ZC3H4: variants seen among roughly 807,000 people sequenced by gnomAD.
The protein encoded by ZC3H4 is zinc finger CCCH-type containing 4.
A neutral mutation model predicts 108.3 loss-of-function variants in ZC3H4; 13 were observed. That is an observed-to-expected ratio of 0.12 (90% CI 0.08 to 0.19). The LOEUF (loss-of-function observed/expected upper bound fraction) is 0.19. Ranked by LOEUF, ZC3H4 falls within the 10% of genes least tolerant of loss-of-function variation. The pLI is 1.00. For missense variants in ZC3H4, 1,734 were observed against 1,838.8 expected, an observed-to-expected ratio of 0.94 and a Z score of 1.04; for synonymous variants, 917 against 749.6, an observed-to-expected ratio of 1.22 and a Z score of -3.65.
At chr19:47,109,164 G>C (rs972230910) in intron 2 of ZC3H4, among the ~76,000 whole-genome samples, 2 of 151,994 alleles carry the variant, frequency 1.3e-5, no homozygotes, top group Non-Finnish European at 2.9e-5. Flanking sequence ...GGGGAAAAAA[G>C]GCAGTACTGT....
At position 47,067,655 on chromosome 19, in the gene ZC3H4, G is replaced by A. The variant is rs771476345; in HGVS notation, c.2613C>T (p.Thr871=). 1.2e-6 allele frequency: 2 copies of A among 1,603,006 alleles called. No individual in the cohort carries two copies. Among genetic ancestry groups the A allele is most frequent in the South Asian group, 1.1e-5 (1 of 90,294 alleles). Residue 871 remains threonine, a synonymous_variant, in exon 15 of 15, where the codon ACC becomes ACT. Transcript: ENST00000253048. The surrounding 1 kb of genome is among the most constrained non-coding windows in gnomAD (Gnocchi z 6.4). ...ACCCGCCAGAAGCCTCCACATGGCG[G>A]GTGAGTCTGGGGTCCCGGCTGAGGC... ...DPRLSRDPRL[T]RHVEASGGSG...
In ZC3H4 at chr19:47,085,346, G is replaced by A; in HGVS notation, c.939C>T (p.Tyr313=). ...GGCCTCGGCTGTCCTTGGAGCGGCG[G>A]TACTGGTTCAGCTCCTTGGAGTACT... The part of the protein sequence containing the change: ...YDEYSKELNQ[Y]RRSKDSRGRG... The change falls in exon 7 of 15, where the codon TAC becomes TAT. Residue 313 remains tyrosine (Y), a synonymous_variant. Coordinates refer to ENST00000253048, the MANE Select transcript of ZC3H4 (RefSeq NM_015168.2). 2 of 1,603,006 alleles carry A rather than the reference G, an allele frequency of 1.2e-6. No homozygotes were observed. The highest frequency in any genetic ancestry group is 1.7e-6 in the Non-Finnish European group (2 of 1,174,204).
chr19:47,097,304 A>G (rs548171001), intron 2 of ZC3H4, among the ~76,000 whole-genome samples: 3 of 152,330 alleles, frequency 2.0e-5, no homozygotes, highest in East Asian at 3.9e-4. Context: ...AGAGAAATAC[A>G]TAGGATTTTT....
rs1231763668 is a variant in ZC3H4, at chr19:47,067,250, G to A, written c.3018C>T (p.Pro1006=). The part of the protein sequence containing the change: ...PPVPAALQSM[P]TLDPRLHRAA... ...CGCGGTGCAGCCGGGGGTCCAGGGT[G>A]GGCATGGATTGCAGGGCCGCGGGCA... Residue 1006 remains proline, a synonymous_variant, in exon 15 of 15, where the codon CCC becomes CCT. Coordinates refer to ENST00000253048, the MANE Select transcript of ZC3H4 (RefSeq NM_015168.2). This position sits in a 1 kb window ranked among gnomAD's most constrained non-coding sequence, Gnocchi z 6.4. 1 of 1,599,596 alleles carries A rather than the reference G, an allele frequency of 6.3e-7. No homozygotes were observed. The highest frequency in any genetic ancestry group is 1.1e-5 in the South Asian group (1 of 89,650).
At position 47,068,902 on chromosome 19, in the gene ZC3H4, G is replaced by C. The variant is rs558594346; in HGVS notation, c.2398+190C>G. 1.1e-4 allele frequency among the ~76,000 whole-genome samples: 17 copies of C among 152,262 alleles called. No individual in the cohort carries two copies. The South Asian group carries it at 2.9e-3, about 26-fold the overall frequency. Reference sequence around the variant, plus strand: ...GTCTCTCCTGAACCCAACACAGAAAGCCACCCCTGACTGCCAGTTTTCTCA... The same window carrying C: ...GTCTCTCCTGAACCCAACACAGAAACCCACCCCTGACTGCCAGTTTTCTCA... On this transcript the variant is annotated intron_variant, in intron 14 of 14. Coordinates refer to ENST00000253048, the MANE Select transcript of ZC3H4 (RefSeq NM_015168.2).
chr19:47,077,307 A>G (rs1385014519), intron 11 of ZC3H4, among the ~76,000 whole-genome samples: 6 of 151,600 alleles, frequency 4.0e-5, no homozygotes, highest in Non-Finnish European at 5.9e-5. Flanking sequence ...TGTCTCTACT[A>G]AAAATACAAA....
In ZC3H4 at chr19:47,085,090, T is replaced by C; in HGVS notation, c.1073A>G (p.Asn358Ser). ...SRGGMNKGGM[N>S]DDEDFYDEDM... ...CTCGTCATAGAAGTCTTCGTCATCGTTCATTCCGCCCTTGTTCATCCCTCC... is the reference window on the plus strand; with the variant it reads ...CTCGTCATAGAAGTCTTCGTCATCGCTCATTCCGCCCTTGTTCATCCCTCC... The change falls in exon 8 of 15, where the codon AAC becomes AGC. Residue 358 changes from asparagine to serine, a missense_variant. Physicochemically the swap from Asn to Ser is conservative, Grantham distance 46. This residue lies in a region of ZC3H4 where 403 missense variants were observed against 457.0 expected (regional missense o/e 0.88). Transcript: ENST00000253048. 2 of 1,614,230 alleles carry C rather than the reference T, an allele frequency of 1.2e-6. No individual in the cohort carries two copies. Among genetic ancestry groups the C allele is most frequent in the Non-Finnish European group, 1.7e-6 (2 of 1,180,026 alleles).
rs773265320 is a variant in ZC3H4 at position 47,090,206 on chromosome 19, G to A, written c.493-17C>T. On this transcript the variant is annotated splice_polypyrimidine_tract_variant and intron_variant, in intron 4 of 14. Coordinates refer to ENST00000253048, the MANE Select transcript of ZC3H4 (RefSeq NM_015168.2). ...CTGGTGGGACTGCGTCCCAGAGATG[G>A]GGAAAAGAGGTGAGCCGGATCCCAC... 3.7e-6 allele frequency: 6 copies of A among 1,613,920 alleles called. No homozygotes were observed. In the Admixed American group the frequency reaches 1.0e-4, roughly 27 times the overall value.
At chr19:47,069,390 G>T (rs992898655) in intron 13 of ZC3H4, 47 bp from the exon 14 acceptor site, 3 of 1,586,286 alleles carry the variant, frequency 1.9e-6, no homozygotes, top group Admixed American at 1.8e-5. Flanking sequence ...GGGCCTCCAG[G>T]TGCCAACTCC....
intron 2 of ZC3H4, among the ~76,000 whole-genome samples, chr19:47,095,447 G>C (rs2057805850): frequency 6.6e-6 from 1 of 152,012 alleles, no homozygotes; most frequent in Non-Finnish European, 1.5e-5. Flanking sequence ...CCCTCCTGAG[G>C]GCCTCACATG....
rs528765468 is a variant in ZC3H4 at position 47,112,395 on chromosome 19, C to T, written c.161+29G>A. The T allele has an allele frequency of 1.3e-5, 16 of 1,232,620 alleles. 1 individual carries two copies. The South Asian group carries it at 6.1e-4, about 47-fold the overall frequency. 76.4% of individuals were successfully genotyped at this position (1,232,620 alleles called of 1,614,324 possible). ...CTCCTCCTCTTCCTCCCCCCGGGGA[C>T]GCAGCCCCGGCCCAACCGGGGGCCT... is the stretch of plus-strand genomic sequence containing the variant. On this transcript the variant is annotated intron_variant, in intron 2 of 14. Transcript: ENST00000253048.
chr19:47,071,213 G>A (rs1425899184), intron 13 of ZC3H4, among the ~76,000 whole-genome samples: 2 of 152,202 alleles, frequency 1.3e-5, no homozygotes, highest in Admixed American at 1.3e-4. Context: ...AGATGCAACT[G>A]AGCGAGGACA....
chr19:47,109,620 G>A (rs191782634), intron 2 of ZC3H4, among the ~76,000 whole-genome samples: 2 of 152,234 alleles, frequency 1.3e-5, no homozygotes, highest in East Asian at 1.9e-4. Flanking sequence ...TCTTCCTCCC[G>A]TAACTGATTT....
At chr19:47,070,949 C>G (rs2057314785) in intron 13 of ZC3H4, among the ~76,000 whole-genome samples, 1 of 152,234 alleles carries the variant, frequency 6.6e-6, no homozygotes, top group Non-Finnish European at 1.5e-5. Flanking sequence ...TGCCCAGGGA[C>G]AGCCCCCAGC....
At chr19:47,095,810 C>T (rs759428365) in intron 2 of ZC3H4, among the ~76,000 whole-genome samples, 3 of 152,124 alleles carry the variant, frequency 2.0e-5, no homozygotes, top group Non-Finnish European at 4.4e-5. Flanking sequence ...CCATGAATGA[C>T]CACAAAAAGG....
intron 2 of ZC3H4, among the ~76,000 whole-genome samples, chr19:47,100,721 G>A (rs917563700): frequency 4.6e-5 from 7 of 151,940 alleles, no homozygotes; most frequent in Non-Finnish European, 5.9e-5. Flanking sequence ...CTTTTGAGAC[G>A]GGGATCTTAC....
At chr19:47,084,704 C>T (rs972142530) in intron 8 of ZC3H4, among the ~76,000 whole-genome samples, 2 of 152,190 alleles carry the variant, frequency 1.3e-5, no homozygotes, top group African/African-American at 4.8e-5. Flanking sequence ...TCAAGTTCCA[C>T]ACAACTGTGC....
rs527414193 is a variant in ZC3H4, at chr19:47,094,694, C to CCTTCG, written c.162-87_162-86insCGAAG. ...CTGGGCTGGCCAAGGCTGACAGGAA[C>CCTTCG]CGAAGGCCTGACTGCTGTGAGCGAA... On this transcript the variant is annotated intron_variant, in intron 2 of 14. Transcript: ENST00000253048. 82 of 1,408,828 alleles carry CCTTCG rather than the reference C, an allele frequency of 5.8e-5. No individual in the cohort carries two copies. The African/African-American group carries it at 1.0e-3, about 18-fold the overall frequency. 87.3% of individuals were successfully genotyped at this position (1,408,828 alleles called of 1,614,324 possible). A position where few individuals can be genotyped will look rare whatever the true frequency, so the allele number is the denominator to read the frequency against.
rs768830629 is a variant in ZC3H4, at chr19:47,084,460, A to G, written c.1108-5T>C. On this transcript the variant is annotated splice_polypyrimidine_tract_variant and splice_region_variant and intron_variant, in intron 8 of 14. Coordinates refer to ENST00000253048, the MANE Select transcript of ZC3H4 (RefSeq NM_015168.2). Reference sequence around the variant, plus strand: ...GTAGCTTCCACCACCACCGTCCTGCAATGGACAGGGTGTGGACGTAAAGGG... The same window carrying G: ...GTAGCTTCCACCACCACCGTCCTGCGATGGACAGGGTGTGGACGTAAAGGG... 7.7e-5 allele frequency: 125 copies of G among 1,613,904 alleles called. No homozygotes were observed. The highest frequency in any genetic ancestry group is 1.1e-4 in the Non-Finnish European group (124 of 1,179,888).
Sources: allele counts gnomAD v4.1 joint callset (sites outside exome capture counted in the v4.1 genomes callset), GRCh38; gene constraint gnomAD v4.1.1; regional missense constraint gnomAD v4.1.1; non-coding constraint Gnocchi (gnomAD v3.1); transcripts MANE v1.5; gene names NCBI Gene and HGNC (gene_info 2026-07-23, HGNC 2026-07-21).